DGKI: variants seen among roughly 807,000 people sequenced by gnomAD.
The protein encoded by DGKI is DAG kinase iota.
Under a neutral mutation model 147.5 loss-of-function variants are expected in DGKI, and 55 were observed. The observed-to-expected ratio is 0.37, with a 90% confidence interval of 0.30 to 0.47. DGKI has a LOEUF of 0.47. DGKI is among the 20% of genes least tolerant of loss of function. The pLI is 1.00. For missense variants in DGKI, 1,007 were observed against 1,323.8 expected (o/e 0.76, Z 3.71); for synonymous variants, 469 against 477.1 (o/e 0.98, Z 0.22).
intron 1 of DGKI, among the ~76,000 whole-genome samples, chr7:137,745,167 T>G (rs1795286513): frequency 6.6e-6 from 1 of 152,146 alleles, no homozygotes; most frequent in Non-Finnish European, 1.5e-5. Context: ...GGTTTCTGCC[T>G]TATAAAGTGA....
chr7:137,688,328 A>ACC (rs1823493320), intron 2 of DGKI, among the ~76,000 whole-genome samples: 5 of 152,228 alleles, frequency 3.3e-5, no homozygotes, highest in Non-Finnish European at 5.9e-5. Flanking sequence ...TGAATTCATC[A>ACC]ATTACTTTAA....
chr7:137,663,150 T>C (rs1295532489), intron 3 of DGKI, among the ~76,000 whole-genome samples: 1 of 152,250 alleles, frequency 6.6e-6, no homozygotes, highest in Non-Finnish European at 1.5e-5. Flanking sequence ...CCAATTATTT[T>C]AACCATCACT....
rs553893858 is a variant in DGKI at position 137,552,291 on chromosome 7, C to T, written c.2147+78G>A. On this transcript the variant is annotated intron_variant, in intron 20 of 32. Transcript: ENST00000614521. ...TTTCCTCTTCCCAACACAGTGAGGT[C>T]CCCAGACCATGCACATGCTCTGCAC... 2.9e-4 allele frequency: 440 copies of T among 1,509,592 alleles called. 1 individual carries two copies. The highest frequency in any genetic ancestry group is 3.8e-4 in the Non-Finnish European group (416 of 1,097,430). 93.5% of individuals were successfully genotyped at this position (1,509,592 alleles called of 1,614,324 possible).
chr7:137,721,046 G>C (rs1794541821), intron 1 of DGKI, among the ~76,000 whole-genome samples: 1 of 152,048 alleles, frequency 6.6e-6, no homozygotes. Context: ...ACCTATCTTG[G>C]CAACCATTAC....
At chr7:137,486,676 TC>T (rs368869473) in intron 22 of DGKI, among the ~76,000 whole-genome samples, 2 of 152,258 alleles carry the variant, frequency 1.3e-5, no homozygotes, top group African/African-American at 4.8e-5. Context: ...TATGTGCCTC[TC>T]CCCTGAATTT....
chr7:137,672,117 T>C (rs1036608359), intron 3 of DGKI, among the ~76,000 whole-genome samples: 3 of 152,212 alleles, frequency 2.0e-5, no homozygotes, highest in African/African-American at 7.2e-5. Context: ...GTCTGCTCAC[T>C]TACACCTCAA....
chr7:137,559,335 T>C (rs1015864522), intron 19 of DGKI, among the ~76,000 whole-genome samples: 1 of 151,922 alleles, frequency 6.6e-6, no homozygotes, highest in Non-Finnish European at 1.5e-5. Context: ...CCTCCCAAAG[T>C]GCTGGGATTA....
At position 137,846,594 on chromosome 7, in the gene DGKI, C is replaced by G. The variant is rs760938753; in HGVS notation, c.269G>C (p.Arg90Pro). ...CLGAEGGADP[R>P]GAGSAAAAGA... ...CGCCGCCGCGGCTGACCCTGCGCCCCGCGGGTCCGCGCCGCCCTCGGCGCC... is the reference window on the plus strand; with the variant it reads ...CGCCGCCGCGGCTGACCCTGCGCCCGGCGGGTCCGCGCCGCCCTCGGCGCC... The change falls in exon 1 of 33, where the codon CGG becomes CCG. Residue 90 changes from arginine to proline, a missense_variant. Arg to Pro is a moderately radical substitution (Grantham distance 103). Coordinates refer to ENST00000614521, the MANE Select transcript of DGKI (RefSeq NM_001321708.2). The surrounding 1 kb of genome is among the most constrained non-coding windows in gnomAD (Gnocchi z 4.0). The G allele has an allele frequency of 1.1e-5, 13 of 1,135,174 alleles. No homozygotes were observed. The East Asian group carries it at 6.5e-4, about 57-fold the overall frequency. 70.3% of individuals were successfully genotyped at this position (1,135,174 alleles called of 1,614,324 possible).
At chr7:137,629,261 T>C (rs560043695) in intron 6 of DGKI, among the ~76,000 whole-genome samples, 7 of 152,346 alleles carry the variant, frequency 4.6e-5, no homozygotes, top group Admixed American at 1.3e-4. Flanking sequence ...TTATATTTCA[T>C]CTCTAAAATG....
chr7:137,769,731 A>G (rs1796127167), intron 1 of DGKI, among the ~76,000 whole-genome samples: 2 of 152,266 alleles, frequency 1.3e-5, no homozygotes, highest in African/African-American at 4.8e-5. Context: ...ATAGCTCATC[A>G]TCACTGATCA....
chr7:137,508,793 A>G (rs1404474888), intron 21 of DGKI, among the ~76,000 whole-genome samples: 7 of 152,188 alleles, frequency 4.6e-5, no homozygotes, highest in Non-Finnish European at 8.8e-5. Context: ...GTAATAAGAG[A>G]CAATTAGCAA....
At chr7:137,530,292 C>A (rs1817294330) in intron 20 of DGKI, among the ~76,000 whole-genome samples, 1 of 152,174 alleles carries the variant, frequency 6.6e-6, no homozygotes, top group Non-Finnish European at 1.5e-5. Flanking sequence ...AAACACTCTT[C>A]TGGTTTGCCA....
chr7:137,419,646 G>C (rs907358522), intron 28 of DGKI, among the ~76,000 whole-genome samples: 1 of 152,166 alleles, frequency 6.6e-6, no homozygotes, highest in Admixed American at 6.5e-5. Context: ...GCATAAATGG[G>C]AAGCAGCTCA....
At chr7:137,394,234 G>A (rs943293444) in intron 32 of DGKI, among the ~76,000 whole-genome samples, 2 of 152,166 alleles carry the variant, frequency 1.3e-5, no homozygotes, top group African/African-American at 2.4e-5. Flanking sequence ...ATGCGAATGA[G>A]GCTCAATGGA....
At chr7:137,482,335 C>T (rs115252898) in intron 23 of DGKI, among the ~76,000 whole-genome samples, 1,802 of 151,888 alleles carry the variant, frequency 0.012, 34 homozygotes, top group African/African-American at 0.041. Context: ...TGACCAGTTG[C>T]TGTCTTGAAC....
Position 137,410,931 on chromosome 7 carries a change from G to C in DGKI, c.2799+1239C>G, listed in dbSNP as rs1434797765. On this transcript the variant is annotated intron_variant, in intron 29 of 32. Transcript: ENST00000614521. ...ACAATTTCTATTGACACTATGATCTGGGCAGTGGCACAGGCACCGTTTTCA... is the reference window on the plus strand; with the variant it reads ...ACAATTTCTATTGACACTATGATCTCGGCAGTGGCACAGGCACCGTTTTCA... Among the ~76,000 whole-genome samples, 4 of 152,242 alleles carry C rather than the reference G, an allele frequency of 2.6e-5. No homozygotes were observed. The South Asian group carries it at 6.2e-4, about 24-fold the overall frequency.
intron 1 of DGKI, among the ~76,000 whole-genome samples, chr7:137,809,663 C>T (rs1797497814): frequency 6.6e-6 from 1 of 152,136 alleles, no homozygotes; most frequent in Admixed American, 6.5e-5. Context: ...TCCCAGCATT[C>T]TTGGACGCCA....
chr7:137,704,532 A>C (rs1793950060), intron 1 of DGKI, among the ~76,000 whole-genome samples: 1 of 152,216 alleles, frequency 6.6e-6, no homozygotes, highest in African/African-American at 2.4e-5. Flanking sequence ...CAGACCGTCA[A>C]GCATACCAGC....
intron 28 of DGKI, among the ~76,000 whole-genome samples, chr7:137,435,399 T>C (rs746301606): frequency 1.3e-5 from 2 of 152,114 alleles, no homozygotes; most frequent in African/African-American, 2.4e-5. Context: ...TTAATGAGCA[T>C]TGAGGTGAGA....
Sources: gnomAD v4.1 joint callset for allele counts (sites outside exome capture counted in the v4.1 genomes callset) on GRCh38, gnomAD v4.1.1 for gene constraint, Gnocchi (gnomAD v3.1) non-coding constraint, MANE v1.5 for transcripts, NCBI Gene and HGNC (gene_info 2026-07-23, HGNC 2026-07-21) for gene names.